POLA1: variants seen among roughly 807,000 people sequenced by gnomAD.
POLA1 encodes the protein DNA polymerase alpha catalytic subunit.
In POLA1, 15 loss-of-function variants were observed where a neutral mutation model predicts 124.0. The observed-to-expected ratio is 0.12, with a 90% CI of 0.08 to 0.19. POLA1 has a LOEUF of 0.19. Ranked by LOEUF, POLA1 falls within the 10% of genes least tolerant of loss-of-function variation. The pLI is 1.00. For synonymous variants in POLA1, 408 were observed against 389.4 expected, an observed-to-expected ratio of 1.05 and a Z score of -0.56; for missense variants, 886 against 1,103.4, an observed-to-expected ratio of 0.80 and a Z score of 2.79.
chrX:24,832,717 T>G (rs1001594164), intron 32 of POLA1, among the ~76,000 whole-genome samples: 10 of 112,145 alleles, frequency 8.9e-5, no homozygotes, highest in African/African-American at 3.2e-4. Context: ...AGCTGAATAC[T>G]ATACAGCATT....
chrX:24,703,571 T>C (rs1928600953), intron 3 of POLA1, among the ~76,000 whole-genome samples: 1 of 112,196 alleles, frequency 8.9e-6, no homozygotes, highest in African/African-American at 3.2e-5. Flanking sequence ...TCTAGGCACA[T>C]ACCTCAGGAT....
chrX:24,711,462 G>A (rs1929426581), intron 4 of POLA1, among the ~76,000 whole-genome samples: 1 of 112,055 alleles, frequency 8.9e-6, no homozygotes, highest in Non-Finnish European at 1.9e-5. Context: ...TTATTCAAAT[G>A]GTTTCCTTGG....
intron 28 of POLA1, among the ~76,000 whole-genome samples, chrX:24,812,446 C>T (rs185777555): frequency 3.7e-3 from 410 of 111,418 alleles, no homozygotes; most frequent in Middle Eastern, 9.2e-3. Flanking sequence ...GTCTCTCTCT[C>T]TCTCTTTTTT....
chrX:24,732,581 AG>A (rs1402195753), intron 16 of POLA1, 127 bp downstream of exon 16: 6 of 245,250 alleles, frequency 2.4e-5, no homozygotes, highest in Non-Finnish European at 4.3e-5. Context: ...ATTGTTAAAG[AG>A]GGTTTTGTTT....
intron 4 of POLA1, among the ~76,000 whole-genome samples, chrX:24,705,299 G>A (rs896790415): frequency 8.1e-5 from 9 of 111,666 alleles, no homozygotes; most frequent in South Asian, 3.7e-4. Context: ...TAGTTTTTAT[G>A]TTTTTAAGCG....
At chrX:24,977,835 A>C (rs765718525) in intron 36 of POLA1, among the ~76,000 whole-genome samples, 1 of 111,312 alleles carries the variant, frequency 9.0e-6, no homozygotes, top group Non-Finnish European at 1.9e-5. Flanking sequence ...GGGTCTTGGC[A>C]CAGCATGCCT....
intron 36 of POLA1, among the ~76,000 whole-genome samples, chrX:24,970,216 C>T (rs1448067146): frequency 1.8e-5 from 2 of 112,069 alleles, no homozygotes; most frequent in African/African-American, 6.5e-5. Context: ...AAAGGATTCC[C>T]TATTTAATAA....
At chrX:24,711,615 T>G (rs773781566) in intron 4 of POLA1, among the ~76,000 whole-genome samples, 1 of 111,623 alleles carries the variant, frequency 9.0e-6, no homozygotes, top group Non-Finnish European at 1.9e-5. Context: ...TTTTTTTTTT[T>G]TGAGATGGAG....
At chrX:24,829,187 C>T (rs1043345975) in intron 32 of POLA1, among the ~76,000 whole-genome samples, 2 of 111,307 alleles carry the variant, frequency 1.8e-5, no homozygotes, top group African/African-American at 6.5e-5. Flanking sequence ...CTAGGTGCAG[C>T]CATGGCTGTG....
In POLA1 at chrX:24,702,837, G is replaced by A. The variant is rs185963455; in HGVS notation, c.169-414G>A. On this transcript the variant is annotated intron_variant, in intron 2 of 36. Coordinates refer to ENST00000379068, the MANE Select transcript of POLA1 (RefSeq NM_001330360.2). ...GAAAATTATCGTCTATTTGCAGAGC[G>A]TACATCAGCTAGTGGAGAGGGAAGT... 2.5e-3 allele frequency among the ~76,000 whole-genome samples: 285 copies of A among 112,506 alleles called. 1 individual carries two copies. Among genetic ancestry groups the A allele is most frequent in the African/African-American group, 8.7e-3 (270 of 30,994 alleles).
chrX:24,914,905 AAAAC>A (rs1426703686), intron 35 of POLA1, among the ~76,000 whole-genome samples: 6 of 112,246 alleles, frequency 5.3e-5, no homozygotes, highest in Admixed American at 1.9e-4. Flanking sequence ...AGATTATTTA[AAAAC>A]AAACAGACCA....
intron 35 of POLA1, among the ~76,000 whole-genome samples, chrX:24,889,806 C>T (rs922992189): frequency 2.7e-5 from 3 of 111,794 alleles, no homozygotes; most frequent in African/African-American, 9.7e-5. Flanking sequence ...AGTAATCCTC[C>T]TGCTTCAGCC....
At chrX:24,967,532 A>T (rs1173457829) in intron 36 of POLA1, among the ~76,000 whole-genome samples, 1 of 110,347 alleles carries the variant, frequency 9.1e-6, no homozygotes, top group Non-Finnish European at 1.9e-5. Flanking sequence ...GCAGTCGTGC[A>T]TGCCTGTAGT....
At chrX:24,892,960 CAT>C (rs1383515295) in intron 35 of POLA1, among the ~76,000 whole-genome samples, 4 of 111,987 alleles carry the variant, frequency 3.6e-5, no homozygotes, top group Non-Finnish European at 5.6e-5. Context: ...TAACAGAACA[CAT>C]AATGTGTACC....
Position 24,726,913 on chromosome X carries a change from T to G in POLA1, c.1393-20T>G. ...TAATAGTTTTAAACAAAAAGATTCT[T>G]TTTTTTTTTCCTTTTTCAGGCTGAA... On this transcript the variant is annotated intron_variant, in intron 13 of 36. Coordinates refer to ENST00000379068, the MANE Select transcript of POLA1 (RefSeq NM_001330360.2). 1 of 1,115,643 alleles carries G rather than the reference T, an allele frequency of 9.0e-7. No homozygotes were observed. Among genetic ancestry groups the G allele is most frequent in the African/African-American group, 1.9e-5 (1 of 53,501 alleles). 91.9% of individuals were successfully genotyped at this position (1,115,643 alleles called of 1,213,427 possible).
chrX:24,855,202 T>C (rs772975119), intron 34 of POLA1, among the ~76,000 whole-genome samples: 1 of 111,914 alleles, frequency 8.9e-6, no homozygotes, highest in South Asian at 3.8e-4. Context: ...ATTTGTGTCT[T>C]TATATTTCTG....
intron 26 of POLA1, among the ~76,000 whole-genome samples, chrX:24,786,117 C>T (rs942137693): frequency 2.0e-4 from 23 of 112,363 alleles, no homozygotes; most frequent in Non-Finnish European, 4.1e-4. Context: ...TATCCCTCAG[C>T]GGACACTTAG....
chrX:24,697,227 CGTTGCCTGTGTAGTGGAACATT>C (rs1288753901), intron 1 of POLA1, among the ~76,000 whole-genome samples: 4 of 111,182 alleles, frequency 3.6e-5, no homozygotes, highest in African/African-American at 6.5e-5. Context: ...TGTAGTGGGA[CGTTGCCTGTGTAGTGGAACATT>C]GTTGCCTGTG....
intron 26 of POLA1, among the ~76,000 whole-genome samples, chrX:24,794,409 G>A (rs2045568840): frequency 8.9e-6 from 1 of 112,347 alleles, no homozygotes; most frequent in Non-Finnish European, 1.9e-5. Flanking sequence ...GAGGAGAGCT[G>A]TTATATAAGA....
Sources: gnomAD v4.1 joint callset for allele counts (sites outside exome capture counted in the v4.1 genomes callset) on GRCh38, gnomAD v4.1.1 for gene constraint, MANE v1.5 for transcripts, NCBI Gene and HGNC (gene_info 2026-07-23, HGNC 2026-07-21) for gene names.